The following HDX variants were observed in gnomAD, a reference collection of about 807,000 sequenced individuals.
HDX encodes the protein chromosome X open reading frame 43.
Under a neutral mutation model 45.2 loss-of-function variants are expected in HDX, and 19 were observed. That is an observed-to-expected ratio of 0.42 (90% CI 0.29 to 0.62). The LOEUF (loss-of-function observed/expected upper bound fraction) is 0.62. Among genes scored for constraint, HDX ranks in the 20% least tolerant of loss-of-function variants. HDX has a pLI of 0.20. For missense variants in HDX, 532 were observed against 493.9 expected (o/e 1.08, Z -0.73); for synonymous variants, 188 against 172.8 (o/e 1.09, Z -0.69).
intron 1 of HDX, among the ~76,000 whole-genome samples, chrX:84,498,138 T>C (rs748995963): frequency 3.6e-5 from 4 of 111,428 alleles, no homozygotes; most frequent in Admixed American, 1.9e-4. Context: ...ACACCTTTTG[T>C]GAAACAAAAG....
chrX:84,481,909 T>C (rs967880093), intron 2 of HDX, among the ~76,000 whole-genome samples: 1 of 111,417 alleles, frequency 9.0e-6, no homozygotes, highest in Non-Finnish European at 1.9e-5. Context: ...ATTGTTTCCA[T>C]CTTTATGTCC....
intron 5 of HDX, among the ~76,000 whole-genome samples, chrX:84,406,497 C>T (rs753335889): frequency 2.3e-4 from 15 of 66,652 alleles, no homozygotes; most frequent in African/African-American, 6.1e-4. Context: ...CACACACACA[C>T]ACATACACAC....
At chrX:84,422,177 A>T (rs1400502438) in intron 5 of HDX, among the ~76,000 whole-genome samples, 30 of 112,396 alleles carry the variant, frequency 2.7e-4, no homozygotes, top group African/African-American at 9.7e-4. Flanking sequence ...AAAATGAAAA[A>T]GTAACAAGCA....
At chrX:84,437,732 A>G (rs1039153818) in intron 5 of HDX, among the ~76,000 whole-genome samples, 1 of 111,211 alleles carries the variant, frequency 9.0e-6, no homozygotes, top group African/African-American at 3.3e-5. Flanking sequence ...TCAGGAATAC[A>G]TAGCACACTT....
At position 84,454,585 on chromosome X, in the gene HDX, G is replaced by A. The variant is rs768368351; in HGVS notation, c.1251+13887C>T. Among the ~76,000 whole-genome samples, 14 of 110,956 alleles carry A rather than the reference G, an allele frequency of 1.3e-4. No individual in the cohort carries two copies. The South Asian group carries it at 4.6e-3, about 37-fold the overall frequency. ...GAATAGAACACCAACTAGATTCCTA[G>A]GTTTTCCAACTCTGGGCCCTCTCTC... is the stretch of plus-strand genomic sequence containing the variant. On this transcript the variant is annotated intron_variant, in intron 4 of 10. Transcript: ENST00000373177.
chrX:84,500,469 C>CACACA (rs1264813988), intron 1 of HDX, among the ~76,000 whole-genome samples: 7 of 104,789 alleles, frequency 6.7e-5, no homozygotes, highest in African/African-American at 2.6e-4. Flanking sequence ...CACACACACA[C>CACACA]ACAACAACAA....
intron 4 of HDX, among the ~76,000 whole-genome samples, chrX:84,449,026 A>G (rs1165080717): frequency 1.8e-5 from 2 of 108,501 alleles, no homozygotes; most frequent in Non-Finnish European, 3.8e-5. Flanking sequence ...AATAAAAAAT[A>G]TATTCAAACT....
At chrX:84,501,230 G>A (rs2041111909) in intron 1 of HDX, among the ~76,000 whole-genome samples, 1 of 111,599 alleles carries the variant, frequency 9.0e-6, no homozygotes, top group South Asian at 3.8e-4. Context: ...AGTAATAAAA[G>A]CCTTAATATA....
intron 5 of HDX, among the ~76,000 whole-genome samples, chrX:84,424,124 C>T (rs2039331592): frequency 9.0e-6 from 1 of 111,258 alleles, no homozygotes; most frequent in African/African-American, 3.3e-5. Flanking sequence ...AGTGAAGTTA[C>T]AGGATACAAC....
chrX:84,351,065 T>C (rs1275863175), intron 6 of HDX, among the ~76,000 whole-genome samples: 3 of 110,158 alleles, frequency 2.7e-5, no homozygotes, highest in Non-Finnish European at 5.7e-5. Context: ...CATCTATCTA[T>C]CTTATGACAG....
chrX:84,431,438 CA>C (rs2076791432), intron 5 of HDX, among the ~76,000 whole-genome samples: 1 of 111,183 alleles, frequency 9.0e-6, no homozygotes, highest in South Asian at 3.7e-4. Flanking sequence ...GTGCTTTCCA[CA>C]ATGGCTGCAC....
At chrX:84,492,824 A>C (rs953577469) in intron 1 of HDX, among the ~76,000 whole-genome samples, 1 of 112,093 alleles carries the variant, frequency 8.9e-6, no homozygotes, top group Non-Finnish European at 1.9e-5. Context: ...AAGAATGTGA[A>C]AGTTAAGCCC....
At chrX:84,367,865 A>G (rs145974824) in intron 5 of HDX, among the ~76,000 whole-genome samples, 12,386 of 111,076 alleles carry the variant, frequency 0.11, 634 homozygotes, top group East Asian at 0.28. Flanking sequence ...TGTGGGGGTA[A>G]GGGAGGGATA....
rs993901850 is a variant in HDX, at chrX:84,321,293, A to G, written c.*596T>C. On this transcript the variant is annotated 3_prime_UTR_variant, in exon 11 of 11. Transcript: ENST00000373177. ...ACCCCCACACAAATATTTGGGTTAG[A>G]TAATAGAAGAACACCAGCAATTTAC... The G allele has an allele frequency of 9.0e-6, 1 of 111,052 alleles. No homozygotes were observed. Among genetic ancestry groups the G allele is most frequent in the African/African-American group, 3.3e-5 (1 of 30,762 alleles). The allele number at this position is 111,052 out of a possible 1,213,427, so 9.2% of individuals were successfully genotyped here. A position where few individuals can be genotyped will look rare whatever the true frequency, so the allele number is the denominator to read the frequency against.
chrX:84,354,960 T>G (rs866031331), intron 6 of HDX, among the ~76,000 whole-genome samples: 4 of 81,171 alleles, frequency 4.9e-5, no homozygotes, highest in African/African-American at 1.8e-4. Flanking sequence ...TATATATATA[T>G]ATATATATAT....
At chrX:84,395,768 T>A (rs1443821396) in intron 5 of HDX, among the ~76,000 whole-genome samples, 2 of 112,133 alleles carry the variant, frequency 1.8e-5, no homozygotes, top group South Asian at 3.6e-4. Flanking sequence ...TCATCTTTTT[T>A]AATTCTCTTT....
chrX:84,326,367 A>G, intron 9 of HDX, 67 bp from the exon 10 acceptor site: 2 of 812,774 alleles, frequency 2.5e-6, no homozygotes, highest in Non-Finnish European at 3.5e-6. Context: ...TGTTTGATGC[A>G]CAATAAAATT....
chrX:84,376,564 G>A (rs918387154), intron 5 of HDX, among the ~76,000 whole-genome samples: 2 of 111,341 alleles, frequency 1.8e-5, no homozygotes, highest in African/African-American at 6.5e-5. Flanking sequence ...ACTTAACAGC[G>A]CTTGGGTCCT....
chrX:84,400,620 C>A (rs1411320140), intron 5 of HDX, among the ~76,000 whole-genome samples: 1 of 110,773 alleles, frequency 9.0e-6, no homozygotes, highest in Non-Finnish European at 1.9e-5. Flanking sequence ...TGAAAATGAC[C>A]ATTCTACCCA....
Sources: allele counts gnomAD v4.1 joint callset (sites outside exome capture counted in the v4.1 genomes callset), GRCh38; gene constraint gnomAD v4.1.1; transcripts MANE v1.5; gene names NCBI Gene and HGNC (gene_info 2026-07-23, HGNC 2026-07-21).